Variants in FH observed in about 807,000 individuals in gnomAD.
The protein encoded by FH is fumarate hydratase, mitochondrial.
A neutral mutation model predicts 49.4 loss-of-function variants in FH; 22 were observed. The ratio of observed to expected loss-of-function variants is 0.45; its 90% CI spans 0.32 to 0.64. The LOEUF (loss-of-function observed/expected upper bound fraction) is 0.64, where lower values mean the gene tolerates loss of function less well. Among genes scored for constraint, FH ranks in the 30% least tolerant of loss-of-function variants. FH has a pLI of 0.05. For synonymous variants in FH, 208 were observed against 223.0 expected (o/e 0.93, Z 0.60); for missense variants, 526 against 641.5 (o/e 0.82, Z 1.95).
chr1:241,513,577 A>G, intron 3 of FH, 26 bp downstream of exon 3: 1 of 1,541,824 alleles, frequency 6.5e-7, no homozygotes, highest in Non-Finnish European at 9.0e-7. Context: ...TGAGGTTATT[A>G]AGCAAACACA....
intron 7 of FH, among the ~76,000 whole-genome samples, chr1:241,503,229 T>C (rs1453568944): frequency 1.3e-5 from 2 of 152,214 alleles, no homozygotes; most frequent in Non-Finnish European, 2.9e-5. Flanking sequence ...ACCCTGGATT[T>C]GCAATCAACT....
At chr1:241,515,612 G>A (rs1660193159) in intron 2 of FH, among the ~76,000 whole-genome samples, 1 of 152,092 alleles carries the variant, frequency 6.6e-6, no homozygotes, top group Admixed American at 6.6e-5. Flanking sequence ...GCTTAGGAAT[G>A]ACTTAAAATT....
At chr1:241,503,387 G>A (rs1659830988) in intron 7 of FH, among the ~76,000 whole-genome samples, 1 of 152,204 alleles carries the variant, frequency 6.6e-6, no homozygotes, top group Non-Finnish European at 1.5e-5. Flanking sequence ...CCAAGCTACA[G>A]TGGCCTTTAT....
Position 241,504,220 on chromosome 1 carries a change from A to G in FH, c.930T>C (p.Asn310=), listed in dbSNP as rs549087719. The change falls in exon 7 of 10, where the codon AAT becomes AAC. Residue 310 remains asparagine (N), a synonymous_variant. Transcript: ENST00000366560. ...CATGAGCAGCCAGAGCTTCAAATTT[A>G]TTCGGAGCAGTGACAAAAGGCAAGC... is the stretch of plus-strand genomic sequence containing the variant. ...LTGLPFVTAP[N]KFEALAAHDA... 3.1e-6 allele frequency: 5 copies of G among 1,614,228 alleles called. No homozygotes were observed. The highest frequency in any genetic ancestry group is 4.2e-6 in the Non-Finnish European group (5 of 1,180,026).
rs1231254705 is a variant in FH at position 241,508,647 on chromosome 1, C to T, written c.694G>A (p.Gly232Arg). 1 of 1,613,878 alleles carries T rather than the reference C, an allele frequency of 6.2e-7. No individual in the cohort carries two copies. The highest frequency in any genetic ancestry group is 1.1e-5 in the South Asian group (1 of 91,080). The change falls in exon 5 of 10, where the codon GGA (glycine) becomes AGA (arginine). Residue 232 changes from glycine (G) to arginine (R), a missense_variant. Physicochemically the swap from Gly to Arg is moderately radical, Grantham distance 125. This residue lies in a region of FH where 383 missense variants were observed against 514.0 expected (regional missense o/e 0.75). Transcript: ENST00000366560. ...ACAGCATCCTGAGTATGAGTACGTC[C>T]AATCTTGATGATCTGTGCAAACTCT... The part of the protein sequence containing the change: ...SKEFAQIIKI[G>R]RTHTQDAVPL...
At chr1:241,515,911 T>C (rs1660199209) in intron 2 of FH, among the ~76,000 whole-genome samples, 2 of 152,338 alleles carry the variant, frequency 1.3e-5, no homozygotes, top group South Asian at 2.1e-4. Context: ...TTAAATTTAA[T>C]TGAATGTGGT....
At position 241,508,723 on chromosome 1, in the gene FH, T is replaced by C; in HGVS notation, c.618A>G (p.Val206=). The C allele has an allele frequency of 1.2e-6, 2 of 1,612,936 alleles. No homozygotes were observed. Among genetic ancestry groups the C allele is most frequent in the East Asian group, 2.2e-5 (1 of 44,858 alleles). The change falls in exon 5 of 10, where the codon GTA becomes GTG. Residue 206 remains valine (V), a synonymous_variant. Coordinates refer to ENST00000366560, the MANE Select transcript of FH (RefSeq NM_000143.4). ...HIAAAIEVHE[V]LLPGLQKLHD... ...GTAACTTCTGTAGTCCTGGTAACAG[T>C]ACTTCATGAACTTCTATTGCAGCAG...
intron 2 of FH, among the ~76,000 whole-genome samples, chr1:241,515,227 C>T (rs1660184704): frequency 6.6e-6 from 1 of 152,108 alleles, no homozygotes; most frequent in Non-Finnish European, 1.5e-5. Flanking sequence ...GAAAGTATGA[C>T]AAAATCGAGA....
chr1:241,503,959 AC>A lies in FH; in HGVS notation c.1108+82del. 7.9e-6 allele frequency: 11 copies of A among 1,392,568 alleles called. No individual in the cohort carries two copies. The South Asian group carries it at 1.1e-4, about 14-fold the overall frequency. The allele number at this position is 1,392,568 out of a possible 1,614,324, so 86.3% of individuals were successfully genotyped here. On this transcript the variant is annotated intron_variant, in intron 7 of 9. Transcript: ENST00000366560. ...GCATCCAGCTGCGGGATAACTTTAA[AC>A]AAAGAGAGACATGGTCCATAGCTAA...
Position 241,504,091 on chromosome 1 carries a change from C to T in FH, c.1059G>A (p.Leu353=). ...RFLGSGPRSG[L]GELILPENEP... is the part of the protein sequence containing the mutation. ...CATTTTCAGGCAAGATCAATTCTCCCAGACCTGACCGAGGACCAGAACCCA... is the reference window on the plus strand; with the variant it reads ...CATTTTCAGGCAAGATCAATTCTCCTAGACCTGACCGAGGACCAGAACCCA... The change falls in exon 7 of 10, where the codon CTG becomes CTA. Residue 353 remains leucine, a synonymous_variant. Coordinates refer to ENST00000366560, the MANE Select transcript of FH (RefSeq NM_000143.4). 1 of 1,614,214 alleles carries T rather than the reference C, an allele frequency of 6.2e-7. No homozygotes were observed. Among genetic ancestry groups the T allele is most frequent in the South Asian group, 1.1e-5 (1 of 91,086 alleles).
At chr1:241,518,087 G>C (rs1462823428) in intron 1 of FH, among the ~76,000 whole-genome samples, 2 of 152,208 alleles carry the variant, frequency 1.3e-5, no homozygotes, top group African/African-American at 4.8e-5. Flanking sequence ...TCTATTGAAT[G>C]AATTTGTATG....
At chr1:241,512,716 G>C (rs1209247515) in intron 3 of FH, among the ~76,000 whole-genome samples, 1 of 152,124 alleles carries the variant, frequency 6.6e-6, no homozygotes, top group Non-Finnish European at 1.5e-5. Flanking sequence ...AAATCAGAAT[G>C]CACTTGAGAA....
Position 241,505,341 on chromosome 1 carries a change from T to C in FH, c.904+662A>G, listed in dbSNP as rs542598633. Among the ~76,000 whole-genome samples, 5 of 152,320 alleles carry C rather than the reference T, an allele frequency of 3.3e-5. No individual in the cohort carries two copies. In the East Asian group the frequency reaches 7.7e-4, roughly 24 times the overall value. ...GTTAGATGTTCTCAGTTAACCCCCA[T>C]GTTAAAAATTTTATAAATCTACATT... On this transcript the variant is annotated intron_variant, in intron 6 of 9. Transcript: ENST00000366560.
intron 1 of FH, 149 bp downstream of exon 1, chr1:241,519,442 C>CG (rs1660309545): frequency 1.0e-6 from 1 of 988,646 alleles, no homozygotes; most frequent in Non-Finnish European, 1.4e-6. Context: ...CCGGGAGGCC[C>CG]GCCACGCCGG....
At chr1:241,505,395 C>T (rs180915996) in intron 6 of FH, among the ~76,000 whole-genome samples, 14 of 152,250 alleles carry the variant, frequency 9.2e-5, no homozygotes, top group Middle Eastern at 3.4e-3. Flanking sequence ...GAGTTCTTTT[C>T]TATTAAAATA....
intron 5 of FH, among the ~76,000 whole-genome samples, chr1:241,508,191 C>T (rs938171480): frequency 4.6e-5 from 7 of 152,132 alleles, no homozygotes; most frequent in Non-Finnish European, 8.8e-5. Flanking sequence ...TGGTAGCTAA[C>T]ATGAATGGGT....
intron 2 of FH, among the ~76,000 whole-genome samples, chr1:241,516,365 G>T (rs1036677093): frequency 4.6e-5 from 7 of 152,190 alleles, no homozygotes; most frequent in Non-Finnish European, 8.8e-5. Context: ...CAGAGATATG[G>T]ATGGAGCTAG....
At chr1:241,513,233 T>C (rs551257161) in intron 3 of FH, among the ~76,000 whole-genome samples, 1 of 152,126 alleles carries the variant, frequency 6.6e-6, no homozygotes, top group Non-Finnish European at 1.5e-5. Context: ...GTTATTAGCA[T>C]ATTAGTAAAA....
intron 4 of FH, 136 bp from the exon 5 acceptor site, chr1:241,508,921 C>T: frequency 1.5e-6 from 1 of 678,178 alleles, no homozygotes; most frequent in Non-Finnish European, 2.5e-6. Flanking sequence ...GTATGTGTGG[C>T]ATGTCATAGG....
Sources: allele counts gnomAD v4.1 joint callset (sites outside exome capture counted in the v4.1 genomes callset), GRCh38; gene constraint gnomAD v4.1.1; regional missense constraint gnomAD v4.1.1; transcripts MANE v1.5; gene names NCBI Gene and HGNC (gene_info 2026-07-23, HGNC 2026-07-21).